SERHL2: variants seen among roughly 807,000 people sequenced by gnomAD.
The protein encoded by SERHL2 is serine hydrolase-like protein 2.
A neutral mutation model predicts 25.5 loss-of-function variants in SERHL2; 29 were observed. The observed-to-expected ratio is 1.14, with a 90% CI of 0.85 to 1.55. SERHL2 has a LOEUF of 1.55. Ranked by LOEUF, SERHL2 falls within the 40% of genes most tolerant of loss-of-function variation. The probability of loss-of-function intolerance (pLI) is 0.00; values close to 1 mark genes in which losing one functional copy is unlikely to be tolerated. For synonymous variants in SERHL2, 95 were observed against 103.5 expected (o/e 0.92, Z 0.50); for missense variants, 240 against 252.3 (o/e 0.95, Z 0.33).
intron 8 of SERHL2, among the ~76,000 whole-genome samples, chr22:42,564,722 C>T (rs930753601): frequency 6.6e-6 from 1 of 151,960 alleles, no homozygotes; most frequent in Non-Finnish European, 1.5e-5. Context: ...TGAGCCACCG[C>T]ACCCGGCCTG....
chr22:42,572,849 T>C, intron 11 of SERHL2: 1 of 403,180 alleles, frequency 2.5e-6, no homozygotes, highest in Non-Finnish European at 3.4e-6. Flanking sequence ...ATTTTATATT[T>C]TTAAGAGATG....
intron 8 of SERHL2, among the ~76,000 whole-genome samples, chr22:42,564,077 A>G (rs537501160): frequency 1.3e-5 from 2 of 152,048 alleles, no homozygotes; most frequent in African/African-American, 4.8e-5. Context: ...CGTCTCAGAA[A>G]AAAAAAAGAC....
intron 7 of SERHL2, among the ~76,000 whole-genome samples, chr22:42,559,949 T>C (rs1276713079): frequency 6.6e-6 from 1 of 151,768 alleles, no homozygotes; most frequent in Non-Finnish European, 1.5e-5. Context: ...GTAGCTGGGA[T>C]TACAGGCACA....
chr22:42,562,022 G>A (rs566016715), intron 8 of SERHL2, among the ~76,000 whole-genome samples: 5 of 151,780 alleles, frequency 3.3e-5, no homozygotes, highest in Non-Finnish European at 7.4e-5. Context: ...TGGGTGTCAG[G>A]GGGGTGAGGG....
chr22:42,567,366 T>A (rs1184658164), intron 9 of SERHL2, among the ~76,000 whole-genome samples: 1 of 151,984 alleles, frequency 6.6e-6, no homozygotes, highest in Non-Finnish European at 1.5e-5. Context: ...TTTTGTGTTT[T>A]AAAAGTTCGA....
Position 42,573,626 on chromosome 22 carries a change from C to T in SERHL2, c.826-310C>T, listed in dbSNP as rs1332666251. 4 of 327,718 alleles carry T rather than the reference C, an allele frequency of 1.2e-5. No individual in the cohort carries two copies. The Admixed American group carries it at 1.3e-4, about 11-fold the overall frequency. 20.3% of individuals were successfully genotyped at this position (327,718 alleles called of 1,614,324 possible). A position where few individuals can be genotyped will look rare whatever the true frequency, so the allele number is the denominator to read the frequency against. Reference sequence around the variant, plus strand: ...TCACGCCCCCATCTCATTATCTTTTCTCACGGGTACCTCTTCTGATACAAT... The same window carrying T: ...TCACGCCCCCATCTCATTATCTTTTTTCACGGGTACCTCTTCTGATACAAT... On this transcript the variant is annotated intron_variant, in intron 11 of 11. Coordinates refer to ENST00000327678, the MANE Select transcript of SERHL2 (RefSeq NM_014509.5).
At chr22:42,570,701 CAAG>C (rs1032676455) in intron 9 of SERHL2, among the ~76,000 whole-genome samples, 1 of 152,124 alleles carries the variant, frequency 6.6e-6, no homozygotes, top group African/African-American at 2.4e-5. Flanking sequence ...TTCCTCCTGG[CAAG>C]AAGCCTGTCC....
At chr22:42,569,335 T>G (rs1923840975) in intron 9 of SERHL2, 1 of 151,650 alleles carries the variant, frequency 6.6e-6, no homozygotes, top group African/African-American at 2.4e-5. Flanking sequence ...TTTGGCTGCC[T>G]GCAACTTCTG....
At chr22:42,564,717 C>T (rs1601842653) in intron 8 of SERHL2, among the ~76,000 whole-genome samples, 1 of 152,096 alleles carries the variant, frequency 6.6e-6, no homozygotes, top group East Asian at 1.9e-4. Context: ...AGGTGTGAGC[C>T]ACCGCACCCG....
intron 9 of SERHL2, among the ~76,000 whole-genome samples, chr22:42,567,685 T>C (rs1403654472): frequency 1.3e-5 from 2 of 150,848 alleles, no homozygotes; most frequent in South Asian, 2.1e-4. Context: ...AAAAAATAAA[T>C]AAATAAAAAA....
In SERHL2 at chr22:42,571,192, C is replaced by G. The variant is rs755923002; in HGVS notation, c.720C>G (p.Val240=). ...AHSIRKLQAH[V]LLIKAVHGYF... is the part of the protein sequence containing the mutation. The stretch of plus-strand genomic sequence containing the variant: ...CCATCAGGAAGCTGCAGGCCCATGT[C>G]CTGTTGATCAAGTAAGTCTGGACCC... Residue 240 remains valine (V), a synonymous_variant, in exon 10 of 12, where the codon GTC becomes GTG. Transcript: ENST00000327678. The G allele has an allele frequency of 6.2e-7, 1 of 1,613,352 alleles. No homozygotes were observed. The highest frequency in any genetic ancestry group is 8.5e-7 in the Non-Finnish European group (1 of 1,179,600).
chr22:42,568,617 A>G (rs1257392282), intron 9 of SERHL2, among the ~76,000 whole-genome samples: 1 of 151,944 alleles, frequency 6.6e-6, no homozygotes. Context: ...CAGAAGATAC[A>G]CATTACAAAA....
chr22:42,562,806 C>G (rs1187841816), intron 8 of SERHL2, among the ~76,000 whole-genome samples: 1 of 151,940 alleles, frequency 6.6e-6, no homozygotes, highest in Admixed American at 6.6e-5. Context: ...CCCCACAATA[C>G]TGGCTTTCTG....
chr22:42,570,676 G>A (rs896628902), intron 9 of SERHL2, among the ~76,000 whole-genome samples: 3 of 152,154 alleles, frequency 2.0e-5, no homozygotes, highest in Non-Finnish European at 4.4e-5. Flanking sequence ...CTGCACTGTG[G>A]TCCCAGCAAG....
chr22:42,569,803 G>C (rs1923909738), intron 9 of SERHL2: 1 of 151,754 alleles, frequency 6.6e-6, no homozygotes, highest in African/African-American at 2.4e-5. Flanking sequence ...AAACAGGGCA[G>C]TGAGTTTTCA....
chr22:42,554,525 G>T (rs902924388), intron 1 of SERHL2, among the ~76,000 whole-genome samples: 38 of 152,176 alleles, frequency 2.5e-4, no homozygotes, highest in African/African-American at 8.0e-4. Context: ...CTGGCCTTTG[G>T]GAAAGGCTTA....
intron 8 of SERHL2, among the ~76,000 whole-genome samples, chr22:42,561,356 C>A (rs1025731103): frequency 1.3e-5 from 2 of 151,754 alleles, no homozygotes; most frequent in African/African-American, 4.8e-5. Context: ...TTTAGACTCC[C>A]CTTGTTTGCT....
At chr22:42,561,541 G>A (rs1450307845) in intron 8 of SERHL2, among the ~76,000 whole-genome samples, 1 of 151,726 alleles carries the variant, frequency 6.6e-6, no homozygotes, top group East Asian at 1.9e-4. Context: ...GAGGCTATGG[G>A]CTGTGTAGGG....
rs1048148720 is a variant in SERHL2, at chr22:42,571,552, A to G, written c.731+349A>G. On this transcript the variant is annotated intron_variant, in intron 10 of 11. Coordinates refer to ENST00000327678, the MANE Select transcript of SERHL2 (RefSeq NM_014509.5). ...ACGATTCTCCTGCCTCAGCCTCCCG[A>G]GTAGCTGGGACTACAGGCGCCCGCC... 16 of 896,976 alleles carry G rather than the reference A, an allele frequency of 1.8e-5. No homozygotes were observed. In the African/African-American group the frequency reaches 2.8e-4, roughly 16 times the overall value. 55.6% of individuals were successfully genotyped at this position (896,976 alleles called of 1,614,324 possible).
Sources: gnomAD v4.1 joint callset for allele counts (sites outside exome capture counted in the v4.1 genomes callset) on GRCh38, gnomAD v4.1.1 for gene constraint, MANE v1.5 for transcripts, NCBI Gene and HGNC (gene_info 2026-07-23, HGNC 2026-07-21) for gene names.